RP1: variants seen among roughly 807,000 people sequenced by gnomAD.
RP1 encodes RP1 axonemal microtubule associated.
A neutral mutation model predicts 14.8 loss-of-function variants in RP1; 16 were observed. The ratio of observed to expected loss-of-function variants is 1.08; its 90% CI spans 0.73 to 1.65. RP1 has a LOEUF of 1.65. RP1 is among the 40% of genes most tolerant of loss of function. The probability of loss-of-function intolerance (pLI) is 0.00; values close to 1 mark genes in which losing one functional copy is unlikely to be tolerated. For missense variants in RP1, 2,631 were observed against 2,535.0 expected (o/e 1.04, Z -0.81); for synonymous variants, 876 against 883.6 (o/e 0.99, Z 0.15).
intron 17 of RP1, among the ~76,000 whole-genome samples, chr8:54,732,904 C>T (rs1469961794): frequency 6.6e-6 from 1 of 152,152 alleles, no homozygotes; most frequent in Non-Finnish European, 1.5e-5. Context: ...AAGTTTAGTT[C>T]CCTGTTACTT....
chr8:54,849,025 G>T (rs190749313), intron 25 of RP1, among the ~76,000 whole-genome samples: 1 of 152,052 alleles, frequency 6.6e-6, no homozygotes, highest in Non-Finnish European at 1.5e-5. Context: ...CCGGGATTAC[G>T]GGTGTGAGCT....
chr8:54,613,069 C>T (rs1028138152), upstream of RP1, among the ~76,000 whole-genome samples: 1 of 152,060 alleles, frequency 6.6e-6, no homozygotes, highest in East Asian at 1.9e-4. Flanking sequence ...GTGTTTGTTG[C>T]TATGTGTGTC....
Position 54,624,758 on chromosome 8 carries a change from T to G in RP1, c.876T>G (p.Tyr292Ter). The G allele has an allele frequency of 2.5e-6, 4 of 1,614,004 alleles. No individual in the cohort carries two copies. The highest frequency in any genetic ancestry group is 3.4e-6 in the Non-Finnish European group (4 of 1,179,914). The change falls in exon 4 of 4, where the codon TAT becomes TAG. Residue 292 changes from tyrosine (Y) to a stop codon, truncating the protein, a stop_gained. Coordinates refer to ENST00000220676, the MANE Select transcript of RP1 (RefSeq NM_006269.2). LOFTEE classifies it low-confidence loss of function (END_TRUNC). ...ATAATAATGATTGCTACTTAGACTA[T>G]TCTTTTGTTCCTGAAAAGTACTTGG... The part of the protein sequence containing the change: ...KTHNNDCYLD[Y>*]SFVPEKYLAL...
At chr8:54,676,054 T>C (rs916748449) in intron 8 of RP1, among the ~76,000 whole-genome samples, 1 of 152,016 alleles carries the variant, frequency 6.6e-6, no homozygotes, top group Non-Finnish European at 1.5e-5. Context: ...ATCCCACTCA[T>C]GAGGGCTGAG....
intron 24 of RP1, among the ~76,000 whole-genome samples, chr8:54,825,150 G>A (rs1358213045): frequency 6.6e-6 from 1 of 152,000 alleles, no homozygotes; most frequent in East Asian, 1.9e-4. Context: ...GAGTAGAGAC[G>A]AGGTTTCATT....
exon 14 of RP1, chr8:54,701,557 A>G: frequency 6.5e-7 from 1 of 1,535,758 alleles, no homozygotes; most frequent in South Asian, 1.2e-5. Context: ...TTGAGTCGGC[A>G]CTGGTTCCTG....
rs1807239714 is a variant in RP1, at chr8:54,674,050, T to C, written c.1402+122T>C. On this transcript the variant is annotated intron_variant, in intron 8 of 22. Coordinates refer to the RP1 transcript ENST00000636932. The stretch of plus-strand genomic sequence containing the variant: ...AAAATGGATCTCTATGTATTGACTA[T>C]ATGAAATCAAAATATTGTCTCCAAA... The C allele has an allele frequency of 1.1e-5, 8 of 699,280 alleles. No homozygotes were observed. The South Asian group carries it at 1.2e-4, about 11-fold the overall frequency. The allele number at this position is 699,280 out of a possible 1,614,324, so 43.3% of individuals were successfully genotyped here. A position where few individuals can be genotyped will look rare whatever the true frequency, so the allele number is the denominator to read the frequency against.
chr8:54,567,259 A>G (rs1395983637), intron 1 of RP1, among the ~76,000 whole-genome samples: 1 of 152,162 alleles, frequency 6.6e-6, no homozygotes, highest in East Asian at 1.9e-4. Context: ...CGGAATGTGC[A>G]CTGTTACCAT....
intron 24 of RP1, among the ~76,000 whole-genome samples, chr8:54,827,415 C>T (rs4737716): frequency 0.32 from 47,743 of 151,532 alleles, 7,691 homozygotes; most frequent in South Asian, 0.37. Flanking sequence ...CAGCCTCCAC[C>T]TCCCAAGCTC....
chr8:54,625,733 T>G lies in RP1; in HGVS notation c.1851T>G (p.Ser617Arg), dbSNP rs1585562812. ...CAGCAGATGCAACCCATTTTTCAAGTAATAACTCTGGAACTGACAAAAATA... is the reference window on the plus strand; with the variant it reads ...CAGCAGATGCAACCCATTTTTCAAGGAATAACTCTGGAACTGACAAAAATA... The part of the protein sequence containing the change: ...PISADATHFS[S>R]NNSGTDKNIS... Residue 617 changes from serine to arginine, a missense_variant, in exon 4 of 4, where the codon AGT (serine) becomes AGG (arginine). Ser to Arg is a moderately radical substitution (Grantham distance 110, BLOSUM62 -1). Coordinates refer to ENST00000220676, the MANE Select transcript of RP1 (RefSeq NM_006269.2). 1 of 1,613,972 alleles carries G rather than the reference T, an allele frequency of 6.2e-7. No homozygotes were observed.
chr8:54,712,989 G>A (rs1398886038), intron 15 of RP1, among the ~76,000 whole-genome samples: 1 of 152,108 alleles, frequency 6.6e-6, no homozygotes, highest in Non-Finnish European at 1.5e-5. Flanking sequence ...GATTTAAGAT[G>A]CATTCAAAGG....
intron 25 of RP1, among the ~76,000 whole-genome samples, chr8:54,844,446 G>C (rs1181501506): frequency 6.6e-6 from 1 of 152,148 alleles, no homozygotes; most frequent in African/African-American, 2.4e-5. Context: ...GTGTAATGCT[G>C]TTTGCCCCTA....
In RP1 at chr8:54,649,579, G is replaced by A. The variant is rs558532267; in HGVS notation, c.951+431G>A. ...GACACATGGAGATCAGGGTCTAGAG[G>A]GAAACAGAGGTAACAAAGATGAAGC... On this transcript the variant is annotated intron_variant, in intron 4 of 22. Coordinates refer to the RP1 transcript ENST00000636932. 2.0e-5 allele frequency among the ~76,000 whole-genome samples: 3 copies of A among 152,328 alleles called. No individual in the cohort carries two copies. In the South Asian group the frequency reaches 6.2e-4, roughly 32 times the overall value.
chr8:54,619,035 C>T (rs1404723290), intron 1 of RP1, among the ~76,000 whole-genome samples: 4 of 152,224 alleles, frequency 2.6e-5, no homozygotes, highest in African/African-American at 9.6e-5. Flanking sequence ...AAGCAGCTTG[C>T]TCAAGGTCAG....
In RP1 at chr8:54,625,194, A is replaced by G. The variant is rs752151902; in HGVS notation, c.1312A>G (p.Thr438Ala). 1 of 1,614,114 alleles carries G rather than the reference A, an allele frequency of 6.2e-7. No individual in the cohort carries two copies. Among genetic ancestry groups the G allele is most frequent in the Admixed American group, 1.7e-5 (1 of 60,010 alleles). ...TGTGGACACAGATATCATCCAGGGAACTCAAGACCAAGCAAAGCATCGTTT... is the reference window on the plus strand; with the variant it reads ...TGTGGACACAGATATCATCCAGGGAGCTCAAGACCAAGCAAAGCATCGTTT... ...ATVDTDIIQG[T>A]QDQAKHRFYR... The change falls in exon 4 of 4, where the codon ACT becomes GCT. Residue 438 changes from threonine (T) to alanine (A), a missense_variant. Coordinates refer to ENST00000220676, the MANE Select transcript of RP1 (RefSeq NM_006269.2).
intron 12 of RP1, chr8:54,697,204 C>A: frequency 1.4e-6 from 1 of 696,888 alleles, no homozygotes. Flanking sequence ...GAATTTTTAT[C>A]CAGAGAAGAT....
intron 25 of RP1, among the ~76,000 whole-genome samples, chr8:54,847,096 G>C (rs1017565218): frequency 6.6e-6 from 1 of 152,108 alleles, no homozygotes; most frequent in Non-Finnish European, 1.5e-5. Context: ...GCATCTGCTG[G>C]TGCATCTCTC....
At chr8:54,806,107 C>T (rs1330220792) in intron 24 of RP1, among the ~76,000 whole-genome samples, 2 of 152,182 alleles carry the variant, frequency 1.3e-5, no homozygotes, top group Non-Finnish European at 2.9e-5. Context: ...CAACCTTCGC[C>T]TCCCGGATTC....
At chr8:54,820,989 T>G (rs551323122) in intron 24 of RP1, among the ~76,000 whole-genome samples, 1 of 152,050 alleles carries the variant, frequency 6.6e-6, no homozygotes, top group African/African-American at 2.4e-5. Flanking sequence ...GGAGATGGCT[T>G]AGAAACAAAA....
Sources: gnomAD v4.1 joint callset for allele counts (sites outside exome capture counted in the v4.1 genomes callset) on GRCh38, gnomAD v4.1.1 for gene constraint, MANE v1.5 for transcripts, NCBI Gene and HGNC (gene_info 2026-07-23, HGNC 2026-07-21) for gene names.